VGLL4: variants seen among roughly 807,000 people sequenced by gnomAD.
The protein encoded by VGLL4 is transcription cofactor vestigial-like protein 4.
In VGLL4, 7 loss-of-function variants were observed where a neutral mutation model predicts 21.0. The ratio of observed to expected loss-of-function variants is 0.33; its 90% CI spans 0.19 to 0.63. The LOEUF is 0.63. Among genes scored for constraint, VGLL4 ranks in the 20% least tolerant of loss-of-function variants. The pLI, the probability that VGLL4 is intolerant of heterozygous loss-of-function variation, is 0.78. For synonymous variants in VGLL4, 222 were observed against 173.2 expected (o/e 1.28, Z -2.21); for missense variants, 394 against 425.7 (o/e 0.93, Z 0.66).
At chr3:11,629,775 C>T (rs947876483) in intron 1 of VGLL4, among the ~76,000 whole-genome samples, 4 of 148,154 alleles carry the variant, frequency 2.7e-5, no homozygotes, top group Non-Finnish European at 4.5e-5. Flanking sequence ...AAAGAATCCA[C>T]GTAGCTGGAA....
intron 2 of VGLL4, among the ~76,000 whole-genome samples, chr3:11,696,600 G>A (rs899424906): frequency 7.2e-5 from 11 of 152,124 alleles, no homozygotes; most frequent in Middle Eastern, 3.2e-3. Flanking sequence ...TCAAACTGTC[G>A]GTTCCAATGT....
chr3:11,590,534 C>T (rs2074463616), intron 2 of VGLL4, among the ~76,000 whole-genome samples: 1 of 152,162 alleles, frequency 6.6e-6, no homozygotes, highest in Non-Finnish European at 1.5e-5. Flanking sequence ...GGCTGGAAGG[C>T]TCGGATCCAG....
At chr3:11,627,653 C>T (rs2616549) in intron 1 of VGLL4, among the ~76,000 whole-genome samples, 14,282 of 149,868 alleles carry the variant, frequency 0.095, 796 homozygotes, top group South Asian at 0.19. Flanking sequence ...CGCAGTATTA[C>T]GTTAAATGTG....
intron 2 of VGLL4, among the ~76,000 whole-genome samples, chr3:11,662,801 G>A (rs2076055888): frequency 2.0e-5 from 3 of 152,204 alleles, no homozygotes; most frequent in Admixed American, 2.0e-4. Flanking sequence ...TGTGATGCCT[G>A]GAGATAAGGC....
rs2075740088 is a variant in VGLL4 at position 11,643,690 on chromosome 3, CA to C, written c.-173del. On this transcript the variant is annotated 5_prime_UTR_variant, in exon 1 of 5. Transcript: ENST00000430365. ...AAGTTAAAAAAAAAAAAATCAGGCA[CA>C]AAAAAATCGAGCTCACACGAAACCC... 43 of 1,430,228 alleles carry C rather than the reference CA, an allele frequency of 3.0e-5. 1 individual carries two copies. The South Asian group carries it at 5.9e-4, about 20-fold the overall frequency. The allele number at this position is 1,430,228 out of a possible 1,614,324, so 88.6% of individuals were successfully genotyped here.
rs2075718156 is a variant in VGLL4, at chr3:11,642,714, C to G, written c.82+723G>C. On this transcript the variant is annotated intron_variant, in intron 1 of 4. Transcript: ENST00000430365. ...TGGAAATACAAGACAGTGGGGGAAGCACCTCGCGGGCAGTAGGAGGTAATA... is the reference window on the plus strand; with the variant it reads ...TGGAAATACAAGACAGTGGGGGAAGGACCTCGCGGGCAGTAGGAGGTAATA... Among the ~76,000 whole-genome samples, 4 of 152,238 alleles carry G rather than the reference C, an allele frequency of 2.6e-5. No homozygotes were observed. In the South Asian group the frequency reaches 8.3e-4, roughly 32 times the overall value.
chr3:11,587,680 A>G (rs1187351212), intron 2 of VGLL4, among the ~76,000 whole-genome samples: 2 of 152,186 alleles, frequency 1.3e-5, no homozygotes, highest in Non-Finnish European at 2.9e-5. Flanking sequence ...GTCAATTTCC[A>G]CCCAAAAGAA....
intron 2 of VGLL4, among the ~76,000 whole-genome samples, chr3:11,582,734 G>A (rs1328639841): frequency 1.3e-5 from 2 of 152,168 alleles, no homozygotes; most frequent in East Asian, 1.9e-4. Context: ...CGCTCCGAAG[G>A]CACGATGCAT....
chr3:11,613,267 A>G (rs2075097395), intron 1 of VGLL4, among the ~76,000 whole-genome samples: 1 of 152,154 alleles, frequency 6.6e-6, no homozygotes, highest in Non-Finnish European at 1.5e-5. Flanking sequence ...GTCATATGCT[A>G]CCATCTGCAT....
intron 1 of VGLL4, among the ~76,000 whole-genome samples, chr3:11,625,103 C>G (rs996726952): frequency 6.6e-6 from 1 of 152,216 alleles, no homozygotes; most frequent in African/African-American, 2.4e-5. Flanking sequence ...GAACCACATG[C>G]TAACTTCTAA....
At chr3:11,692,528 A>G (rs2076541540) in intron 2 of VGLL4, among the ~76,000 whole-genome samples, 1 of 152,236 alleles carries the variant, frequency 6.6e-6, no homozygotes, top group African/African-American at 2.4e-5. Context: ...GAACAGAAAC[A>G]TCAGTGCTTA....
chr3:11,603,422 T>C (rs1347975257), intron 1 of VGLL4, among the ~76,000 whole-genome samples: 2 of 152,226 alleles, frequency 1.3e-5, no homozygotes, highest in Non-Finnish European at 2.9e-5. Context: ...TTGGTTGGCC[T>C]ATACTCCCTA....
intron 2 of VGLL4, among the ~76,000 whole-genome samples, chr3:11,578,748 C>CTTCT (rs2074132326): frequency 9.6e-6 from 1 of 104,696 alleles, no homozygotes; most frequent in Non-Finnish European, 1.8e-5. Flanking sequence ...TGTATATTTT[C>CTTCT]TTTTTTTTTT....
At chr3:11,710,033 A>G (rs771327746) in intron 1 of VGLL4, among the ~76,000 whole-genome samples, 2 of 152,348 alleles carry the variant, frequency 1.3e-5, no homozygotes, top group South Asian at 2.1e-4. Context: ...AAGCCAGCAC[A>G]TGACATGGCA....
chr3:11,694,393 G>T (rs1478493811), intron 2 of VGLL4, among the ~76,000 whole-genome samples: 1 of 152,158 alleles, frequency 6.6e-6, no homozygotes, highest in African/African-American at 2.4e-5. Context: ...GGCCAAGGCG[G>T]GTAGATCACT....
chr3:11,620,028 A>T (rs772161566), intron 1 of VGLL4, among the ~76,000 whole-genome samples: 3 of 136,150 alleles, frequency 2.2e-5, no homozygotes, highest in Non-Finnish European at 3.3e-5. Context: ...AGAGCAGAGA[A>T]AAAGAGGAGA....
intron 2 of VGLL4, among the ~76,000 whole-genome samples, chr3:11,692,592 C>T (rs1401173532): frequency 1.3e-5 from 2 of 152,166 alleles, no homozygotes; most frequent in East Asian, 1.9e-4. Flanking sequence ...AGGAGCGCTC[C>T]CCTGTGGTGC....
chr3:11,637,301 T>C (rs991871295), intron 1 of VGLL4, among the ~76,000 whole-genome samples: 2 of 152,230 alleles, frequency 1.3e-5, no homozygotes, highest in Admixed American at 1.3e-4. Context: ...ATAAAACATG[T>C]TGAGAGATCG....
chr3:11,625,861 G>A (rs1309274604), intron 1 of VGLL4, among the ~76,000 whole-genome samples: 1 of 152,088 alleles, frequency 6.6e-6, no homozygotes, highest in Non-Finnish European at 1.5e-5. Context: ...TATATAGACA[G>A]AAAGTAGATC....
Sources: gnomAD v4.1 joint callset for allele counts (sites outside exome capture counted in the v4.1 genomes callset) on GRCh38, gnomAD v4.1.1 for gene constraint, MANE v1.5 for transcripts, NCBI Gene and HGNC (gene_info 2026-07-23, HGNC 2026-07-21) for gene names.